Variants in LMX1A observed in about 807,000 individuals in gnomAD.
LMX1A encodes LIM homeobox transcription factor 1-alpha.
A neutral mutation model predicts 49.1 loss-of-function variants in LMX1A; 15 were observed. The ratio of observed to expected loss-of-function variants is 0.31; its 90% CI spans 0.20 to 0.47. The LOEUF is 0.47. Ranked by LOEUF, LMX1A falls within the 20% of genes least tolerant of loss-of-function variation. The pLI is 1.00. For missense variants in LMX1A, 372 were observed against 475.8 expected (o/e 0.78, Z 2.03); for synonymous variants, 167 against 185.7 (o/e 0.90, Z 0.82).
Position 165,252,300 on chromosome 1 carries a change from A to T in LMX1A, c.264-2660T>A, listed in dbSNP as rs570001598. Among the ~76,000 whole-genome samples, 44 of 152,370 alleles carry T rather than the reference A, an allele frequency of 2.9e-4. No homozygotes were observed. In the South Asian group the frequency reaches 8.9e-3, roughly 31 times the overall value. On this transcript the variant is annotated intron_variant, in intron 3 of 8. Coordinates refer to ENST00000342310, the MANE Select transcript of LMX1A (RefSeq NM_177398.4). Reference sequence around the variant, plus strand: ...AACAGTCTAGCATAGGAGCTGACACATAATAGATATCCAATAAAGATGTCT... The same window carrying T: ...AACAGTCTAGCATAGGAGCTGACACTTAATAGATATCCAATAAAGATGTCT...
At chr1:165,282,264 C>G (rs554460051) in intron 3 of LMX1A, among the ~76,000 whole-genome samples, 2 of 152,290 alleles carry the variant, frequency 1.3e-5, no homozygotes, top group Admixed American at 6.5e-5. Context: ...GACATCACCA[C>G]CTGAATATAC....
intron 3 of LMX1A, among the ~76,000 whole-genome samples, chr1:165,278,928 C>T (rs1203720557): frequency 6.6e-6 from 1 of 152,158 alleles, no homozygotes; most frequent in Admixed American, 6.5e-5. Flanking sequence ...GAGGTTCAGA[C>T]TTATTATACA....
intron 3 of LMX1A, among the ~76,000 whole-genome samples, chr1:165,323,312 G>A (rs368956337): frequency 6.6e-6 from 1 of 152,112 alleles, no homozygotes; most frequent in Non-Finnish European, 1.5e-5. Context: ...ATCTATGTAA[G>A]GTCATAATAT....
chr1:165,231,674 G>C (rs965373913), intron 4 of LMX1A, among the ~76,000 whole-genome samples: 2 of 152,020 alleles, frequency 1.3e-5, no homozygotes, highest in African/African-American at 4.8e-5. Context: ...AGTTAACTTG[G>C]TTCCCATGAA....
intron 3 of LMX1A, among the ~76,000 whole-genome samples, chr1:165,291,785 C>T (rs1035880629): frequency 6.6e-6 from 1 of 152,254 alleles, no homozygotes; most frequent in Admixed American, 6.5e-5. Flanking sequence ...TATATGCGGC[C>T]GGGCGCGGTG....
chr1:165,355,989 T>G lies in LMX1A; in HGVS notation c.-23+366A>C. The G allele has an allele frequency of 1.3e-5, 2 of 157,966 alleles. No individual in the cohort carries two copies. Among genetic ancestry groups the G allele is most frequent in the East Asian group, 1.9e-4 (1 of 5,336 alleles). 9.8% of individuals were successfully genotyped at this position (157,966 alleles called of 1,614,324 possible). A position where few individuals can be genotyped will look rare whatever the true frequency, so the allele number is the denominator to read the frequency against. On this transcript the variant is annotated intron_variant, in intron 1 of 8. Coordinates refer to ENST00000342310, the MANE Select transcript of LMX1A (RefSeq NM_177398.4). This position sits in a 1 kb window ranked among gnomAD's most constrained non-coding sequence, Gnocchi z 4.7. ...TTGGGTATATAAAGAGTGGGTACCCTCCCTCGAGCGACCGGGTCCAGGCAC... is the reference window on the plus strand; with the variant it reads ...TTGGGTATATAAAGAGTGGGTACCCGCCCTCGAGCGACCGGGTCCAGGCAC...
rs371148251 is a variant in LMX1A, at chr1:165,210,674, C to T, written c.747+25G>A. Reference sequence around the variant, plus strand: ...TTTCAGGAAACCAGCAACATGGGGACAGATAAAAGTAAGAAGCAGGTTACC... The same window carrying T: ...TTTCAGGAAACCAGCAACATGGGGATAGATAAAAGTAAGAAGCAGGTTACC... On this transcript the variant is annotated intron_variant, in intron 6 of 8. Coordinates refer to ENST00000342310, the MANE Select transcript of LMX1A (RefSeq NM_177398.4). 4 of 1,568,660 alleles carry T rather than the reference C, an allele frequency of 2.5e-6. No homozygotes were observed. The African/African-American group carries it at 5.4e-5, about 21-fold the overall frequency.
At chr1:165,319,038 CACA>C (rs1222173397) in intron 3 of LMX1A, among the ~76,000 whole-genome samples, 95 of 148,846 alleles carry the variant, frequency 6.4e-4, no homozygotes, top group African/African-American at 2.0e-3. Context: ...CACACACACA[CACA>C]CCCCAACTTC....
chr1:165,290,006 G>A (rs1292924282), intron 3 of LMX1A, among the ~76,000 whole-genome samples: 1 of 152,202 alleles, frequency 6.6e-6, no homozygotes, highest in Non-Finnish European at 1.5e-5. Context: ...TAGTAGAAAG[G>A]AAACTGAGGT....
chr1:165,355,895 A>G lies in LMX1A; in HGVS notation c.-22-314T>C. The G allele has an allele frequency of 2.9e-6, 1 of 343,062 alleles. No individual in the cohort carries two copies. 21.3% of individuals were successfully genotyped at this position (343,062 alleles called of 1,614,324 possible). A position where few individuals can be genotyped will look rare whatever the true frequency, so the allele number is the denominator to read the frequency against. On this transcript the variant is annotated intron_variant, in intron 1 of 8. Coordinates refer to ENST00000342310, the MANE Select transcript of LMX1A (RefSeq NM_177398.4). This position sits in a 1 kb window ranked among gnomAD's most constrained non-coding sequence, Gnocchi z 4.7. ...CCCCAGGTTTTCCATCCCGAATCCG[A>G]CTCCGCCCCAACCTATACGAAGGTG...
At chr1:165,274,485 G>A (rs571517500) in intron 3 of LMX1A, among the ~76,000 whole-genome samples, 4 of 152,246 alleles carry the variant, frequency 2.6e-5, no homozygotes, top group South Asian at 2.1e-4. Context: ...TTGGGGTTTC[G>A]GTTTTGGGGC....
intron 3 of LMX1A, among the ~76,000 whole-genome samples, chr1:165,251,560 T>C (rs12408889): frequency 0.4 from 61,068 of 151,670 alleles, 12,478 homozygotes; most frequent in East Asian, 0.56. Flanking sequence ...AGCTGGAAGA[T>C]AGGAAAGCAT....
intron 4 of LMX1A, among the ~76,000 whole-genome samples, chr1:165,240,522 T>G (rs895529696): frequency 6.6e-6 from 1 of 152,226 alleles, no homozygotes; most frequent in Admixed American, 6.5e-5. Context: ...CCTCTGCCTT[T>G]CTTTTTCTGC....
intron 6 of LMX1A, among the ~76,000 whole-genome samples, chr1:165,208,980 A>T (rs1651240679): frequency 1.3e-5 from 2 of 152,220 alleles, no homozygotes; most frequent in Admixed American, 6.5e-5. Context: ...ATATTTCTCA[A>T]ACTGTGTTCC....
intron 4 of LMX1A, among the ~76,000 whole-genome samples, chr1:165,245,542 TC>T (rs1317923139): frequency 2.8e-5 from 4 of 144,492 alleles, no homozygotes; most frequent in Non-Finnish European, 6.1e-5. Context: ...CTAATTACTC[TC>T]CTCAAGATTC....
At chr1:165,216,894 T>C (rs1056200761) in intron 4 of LMX1A, among the ~76,000 whole-genome samples, 3 of 152,208 alleles carry the variant, frequency 2.0e-5, no homozygotes, top group African/African-American at 4.8e-5. Context: ...TCTCAAGACT[T>C]AATTTTCTCA....
At chr1:165,234,443 T>A (rs1290761782) in intron 4 of LMX1A, among the ~76,000 whole-genome samples, 1 of 152,192 alleles carries the variant, frequency 6.6e-6, no homozygotes, top group Non-Finnish European at 1.5e-5. Context: ...ACTTTATATC[T>A]CTACGATAAT....
At chr1:165,319,017 ACACACACACACACACACACACACACC>A (rs1399592731) in intron 3 of LMX1A, among the ~76,000 whole-genome samples, 2 of 133,104 alleles carry the variant, frequency 1.5e-5, no homozygotes, top group Non-Finnish European at 3.4e-5. Flanking sequence ...ACACACACAC[ACACACACACACACACACACACACACC>A]CCAACTTCTT....
At chr1:165,250,987 T>G (rs11587275) in intron 3 of LMX1A, among the ~76,000 whole-genome samples, 37,572 of 151,850 alleles carry the variant, frequency 0.25, 5,324 homozygotes, top group East Asian at 0.56. Flanking sequence ...TAGAGGCAGG[T>G]ACCTCCAGAA....
Sources: gnomAD v4.1 joint callset for allele counts (sites outside exome capture counted in the v4.1 genomes callset) on GRCh38, gnomAD v4.1.1 for gene constraint, Gnocchi (gnomAD v3.1) non-coding constraint, MANE v1.5 for transcripts, NCBI Gene and HGNC (gene_info 2026-07-23, HGNC 2026-07-21) for gene names.